NFATC1: variants seen among roughly 807,000 people sequenced by gnomAD.
NFATC1 encodes nuclear factor of activated T cells 1.
In NFATC1, 22 loss-of-function variants were observed where a neutral mutation model predicts 76.0. The observed-to-expected ratio is 0.29, with a 90% confidence interval of 0.21 to 0.41. The LOEUF (loss-of-function observed/expected upper bound fraction) is 0.41. Among genes scored for constraint, NFATC1 ranks in the 10% least tolerant of loss-of-function variants. The pLI is 1.00. For synonymous variants in NFATC1, 704 were observed against 613.1 expected (o/e 1.15, Z -2.19); for missense variants, 1,357 against 1,337.7 (o/e 1.01, Z -0.23).
At position 79,528,216 on chromosome 18, in the gene NFATC1, G is replaced by A. The variant is rs150073474; in HGVS notation, c.*639G>A. 85 of 335,056 alleles carry A rather than the reference G, an allele frequency of 2.5e-4. No homozygotes were observed. The East Asian group carries it at 3.8e-3, about 15-fold the overall frequency. 20.8% of individuals were successfully genotyped at this position (335,056 alleles called of 1,614,324 possible). ...TTTGTAACATGCTTCCCTTGTCTGC[G>A]CGGTTGAAACCGTAGGCTTGTTCAT... On this transcript the variant is annotated 3_prime_UTR_variant, in exon 10 of 10. Transcript: ENST00000427363.
In NFATC1 at chr18:79,450,820, G is replaced by A. The variant is rs1181120334; in HGVS notation, c.1590-134G>A. ...GGCTTCAAGGTCTTGTTTTCCTTGG[G>A]GAAGGGGAGAGTGGCCAGCTGCCTG... On this transcript the variant is annotated intron_variant, in intron 4 of 9. Transcript: ENST00000427363. The A allele has an allele frequency of 4.4e-6, 5 of 1,137,698 alleles. No homozygotes were observed. The East Asian group carries it at 1.2e-4, about 27-fold the overall frequency. The allele number at this position is 1,137,698 out of a possible 1,614,324, so 70.5% of individuals were successfully genotyped here. A position where few individuals can be genotyped will look rare whatever the true frequency, so the allele number is the denominator to read the frequency against.
Position 79,448,855 on chromosome 18 carries a change from G to T in NFATC1, c.1460G>T (p.Arg487Leu), listed in dbSNP as rs139150912. Residue 487 changes from arginine (R) to leucine (L), a missense_variant, in exon 4 of 10, where the codon CGC becomes CTC. By Grantham distance (102) the Arg-to-Leu change is moderately radical. Around this residue, in one of 3 missense-constraint regions of NFATC1, gnomAD observed 242 missense variants for 329.2 expected, o/e 0.74. Transcript: ENST00000427363. ...FIGTADDRLL[R>L]PHAFYQVHRI... ...GGGACGGCGGACGACCGCCTGCTGC[G>T]CCCGCACGCCTTCTACCAGGTGCAC... 1 of 1,613,670 alleles carries T rather than the reference G, an allele frequency of 6.2e-7. No homozygotes were observed. Among genetic ancestry groups the T allele is most frequent in the African/African-American group, 1.3e-5 (1 of 74,942 alleles).
chr18:79,397,985 C>G lies in NFATC1; in HGVS notation c.127+1634C>G, dbSNP rs2085062880. ...TGATCTAGTCCTTGATACACACAGGCCGGCAGCATGGGGACACGCGTGGTT... is the reference window on the plus strand; with the variant it reads ...TGATCTAGTCCTTGATACACACAGGGCGGCAGCATGGGGACACGCGTGGTT... On this transcript the variant is annotated intron_variant, in intron 1 of 9. Coordinates refer to ENST00000427363, the MANE Select transcript of NFATC1 (RefSeq NM_001278669.2). Among the ~76,000 whole-genome samples the G allele has an allele frequency of 2.6e-5, 4 of 152,204 alleles. 1 individual carries two copies. The highest frequency in any genetic ancestry group is 2.6e-4 in the Admixed American group (4 of 15,280).
At chr18:79,493,532 A>G (rs997974441) in intron 9 of NFATC1, 3 of 152,242 alleles carry the variant, frequency 2.0e-5, no homozygotes, top group African/African-American at 7.2e-5. Flanking sequence ...TCTCCATGTC[A>G]TTAAAACAAC....
chr18:79,451,828 A>G lies in NFATC1; in HGVS notation c.1903+12A>G. The G allele has an allele frequency of 6.3e-7, 1 of 1,595,322 alleles. No individual in the cohort carries two copies. Among genetic ancestry groups the G allele is most frequent in the Non-Finnish European group, 8.6e-7 (1 of 1,169,166 alleles). ...GGAGAAAGCCCCAGGTATGCTCTTC[A>G]CCAGGGGCCATCTGCGGCCTGGGCT... is the stretch of plus-strand genomic sequence containing the variant. On this transcript the variant is annotated intron_variant, in intron 6 of 9. Transcript: ENST00000427363.
intron 2 of NFATC1, among the ~76,000 whole-genome samples, chr18:79,423,444 C>T (rs974346455): frequency 3.9e-5 from 6 of 152,164 alleles, no homozygotes; most frequent in East Asian, 1.9e-4. Flanking sequence ...CCCTCCCATG[C>T]GGACCCGGGA....
chr18:79,413,609 C>T (rs1455479876), intron 2 of NFATC1, among the ~76,000 whole-genome samples: 1 of 152,254 alleles, frequency 6.6e-6, no homozygotes, highest in Non-Finnish European at 1.5e-5. Flanking sequence ...CCACGCTGGG[C>T]AGGACTCCAT....
chr18:79,525,773 C>T (rs1241052722), intron 9 of NFATC1, among the ~76,000 whole-genome samples: 1 of 152,222 alleles, frequency 6.6e-6, no homozygotes, highest in East Asian at 1.9e-4. Context: ...AGCCTCCCTT[C>T]CCCCACAGGT....
chr18:79,434,089 G>C lies in NFATC1; in HGVS notation c.1386+351G>C, dbSNP rs985916450. Among the ~76,000 whole-genome samples, 3 of 152,234 alleles carry C rather than the reference G, an allele frequency of 2.0e-5. 1 individual carries two copies. The highest frequency in any genetic ancestry group is 4.4e-5 in the Non-Finnish European group (3 of 68,036). ...CTCACCAGCAGCACCAGCCTCGCCT[G>C]GTGGGGGACCCTCAGAAATGCAGGT... On this transcript the variant is annotated intron_variant, in intron 3 of 9. Coordinates refer to ENST00000427363, the MANE Select transcript of NFATC1 (RefSeq NM_001278669.2).
chr18:79,515,460 G>A (rs2090356901), intron 9 of NFATC1, among the ~76,000 whole-genome samples: 1 of 151,870 alleles, frequency 6.6e-6, no homozygotes, highest in Admixed American at 6.6e-5. Context: ...TGGTGGGCGG[G>A]TGGTGGTGGT....
chr18:79,426,836 C>T (rs1424608273), intron 2 of NFATC1, among the ~76,000 whole-genome samples: 1 of 152,224 alleles, frequency 6.6e-6, no homozygotes, highest in East Asian at 1.9e-4. Context: ...CCCATAGCAG[C>T]CACCATGCCC....
rs1428408960 is a variant in NFATC1, at chr18:79,455,745, C to CCCACGGCCGCCCCA, written c.1903+3929_1903+3930insCCACGGCCGCCCCA. Reference sequence around the variant, plus strand: ...GGTGGGACCCCAGCTCGCCCCCCATCTCACGGCCGCCCCATCCCACGGCCG... The same window carrying CCCACGGCCGCCCCA: ...GGTGGGACCCCAGCTCGCCCCCCATCCCACGGCCGCCCCATCACGGCCGCCCCATCCCACGGCCG... On this transcript the variant is annotated intron_variant, in intron 6 of 9. Coordinates refer to ENST00000427363, the MANE Select transcript of NFATC1 (RefSeq NM_001278669.2). Among the ~76,000 whole-genome samples, 8 of 151,370 alleles carry CCCACGGCCGCCCCA rather than the reference C, an allele frequency of 5.3e-5. No individual in the cohort carries two copies. In the East Asian group the frequency reaches 1.2e-3, roughly 22 times the overall value.
chr18:79,474,262 C>CGTT (rs776110640), intron 8 of NFATC1, among the ~76,000 whole-genome samples: 2 of 129,828 alleles, frequency 1.5e-5, no homozygotes, highest in African/African-American at 3.2e-5. Context: ...TCACTGTCGA[C>CGTT]GTAAACCTGA....
At chr18:79,462,040 C>T (rs114035411) in intron 7 of NFATC1, among the ~76,000 whole-genome samples, 119 of 152,352 alleles carry the variant, frequency 7.8e-4, no homozygotes, top group African/African-American at 2.8e-3. Context: ...TTCCAACTCC[C>T]CCAGTCACCT....
At chr18:79,479,526 G>C (rs1157849554) in intron 8 of NFATC1, among the ~76,000 whole-genome samples, 2 of 152,238 alleles carry the variant, frequency 1.3e-5, no homozygotes, top group Non-Finnish European at 2.9e-5. Context: ...CCAAGCCCAG[G>C]TGCAGTATGT....
intron 1 of NFATC1, chr18:79,402,435 C>T (rs534477631): frequency 3.1e-6 from 3 of 973,826 alleles, no homozygotes; most frequent in East Asian, 1.1e-4. Context: ...CCAAAACACT[C>T]CTTGAGCAGA....
intron 1 of NFATC1, among the ~76,000 whole-genome samples, chr18:79,401,530 G>A (rs1011900387): frequency 2.0e-5 from 3 of 152,236 alleles, no homozygotes; most frequent in African/African-American, 4.8e-5. Flanking sequence ...GAGACCCGCC[G>A]GAGGCCCTTC....
chr18:79,473,158 G>A (rs1485411159), intron 8 of NFATC1, among the ~76,000 whole-genome samples: 2 of 152,262 alleles, frequency 1.3e-5, no homozygotes, highest in Admixed American at 6.5e-5. Context: ...CCACGCTCCA[G>A]GTCGCCACAG....
At chr18:79,402,326 C>T (rs1256586330) in intron 1 of NFATC1, 15 of 985,292 alleles carry the variant, frequency 1.5e-5, no homozygotes, top group Non-Finnish European at 1.8e-5. Context: ...ATATGGGGAC[C>T]CTGGTGAACA....
Sources: allele counts gnomAD v4.1 joint callset (sites outside exome capture counted in the v4.1 genomes callset), GRCh38; gene constraint gnomAD v4.1.1; regional missense constraint gnomAD v4.1.1; transcripts MANE v1.5; gene names NCBI Gene and HGNC (gene_info 2026-07-23, HGNC 2026-07-21).